The following FAF1 variants were observed in gnomAD, a reference collection of about 807,000 sequenced individuals.
The protein encoded by FAF1 is Fas associated factor 1, also known as FAS-associated factor 1.
In FAF1, 25 loss-of-function variants were observed where a neutral mutation model predicts 92.5. The observed-to-expected ratio is 0.27, with a 90% CI of 0.20 to 0.38. The LOEUF is 0.38. Among genes scored for constraint, FAF1 ranks in the 10% least tolerant of loss-of-function variants. The probability of loss-of-function intolerance (pLI) is 1.00; values close to 1 mark genes in which losing one functional copy is unlikely to be tolerated. For synonymous variants in FAF1, 234 were observed against 273.2 expected (o/e 0.86, Z 1.42); for missense variants, 636 against 793.3 (o/e 0.80, Z 2.38).
At chr1:50,664,753 T>C (rs562344756) in intron 7 of FAF1, among the ~76,000 whole-genome samples, 111 of 152,186 alleles carry the variant, frequency 7.3e-4, no homozygotes, top group Non-Finnish European at 1.2e-3. Flanking sequence ...GAGATCGCGC[T>C]ACTGCACTCC....
intron 1 of FAF1, among the ~76,000 whole-genome samples, chr1:50,872,855 C>T (rs1469603136): frequency 1.3e-5 from 2 of 151,596 alleles, no homozygotes; most frequent in Admixed American, 6.6e-5. Context: ...GCCGAGATTG[C>T]GCCACTGCAC....
intron 9 of FAF1, among the ~76,000 whole-genome samples, chr1:50,588,159 C>T (rs906301577): frequency 1.3e-5 from 2 of 152,024 alleles, no homozygotes; most frequent in African/African-American, 2.4e-5. Context: ...CGGTGGCAGA[C>T]GCCTGTAATC....
Position 50,572,215 on chromosome 1 carries a change from TC to T in FAF1, c.1114-4985del, listed in dbSNP as rs1171677606. Among the ~76,000 whole-genome samples, 2 of 152,224 alleles carry T rather than the reference TC, an allele frequency of 1.3e-5. 1 individual carries two copies. Among genetic ancestry groups the T allele is most frequent in the Non-Finnish European group, 2.9e-5 (2 of 68,034 alleles). ...TTTATTCTTCACCTAGATTTACCAATCATTAGCATTTTGCCATATTTGCTTT... is the reference window on the plus strand; with the variant it reads ...TTTATTCTTCACCTAGATTTACCAATATTAGCATTTTGCCATATTTGCTTT... On this transcript the variant is annotated intron_variant, in intron 12 of 18. Transcript: ENST00000396153.
At chr1:50,728,357 G>A (rs1032968374) in intron 6 of FAF1, among the ~76,000 whole-genome samples, 77 of 152,150 alleles carry the variant, frequency 5.1e-4, no homozygotes, top group African/African-American at 1.8e-3. Flanking sequence ...GTTTAAAGAG[G>A]AACAGTATGG....
chr1:50,904,382 T>C (rs1208551996), intron 1 of FAF1, among the ~76,000 whole-genome samples: 1 of 152,136 alleles, frequency 6.6e-6, no homozygotes, highest in Non-Finnish European at 1.5e-5. Context: ...GAATTAAAGT[T>C]TAATTGGCAA....
intron 7 of FAF1, among the ~76,000 whole-genome samples, chr1:50,689,600 A>G (rs1656827746): frequency 6.6e-6 from 1 of 152,200 alleles, no homozygotes; most frequent in African/African-American, 2.4e-5. Context: ...AACAAAAAAC[A>G]AAACAAAACA....
intron 18 of FAF1, among the ~76,000 whole-genome samples, chr1:50,454,226 C>T (rs991633260): frequency 6.6e-6 from 1 of 152,206 alleles, no homozygotes; most frequent in African/African-American, 2.4e-5. Context: ...CTCTCATAGA[C>T]CCTATGTGCC....
intron 8 of FAF1, among the ~76,000 whole-genome samples, chr1:50,602,251 A>C (rs1013510010): frequency 6.6e-6 from 1 of 152,192 alleles, no homozygotes; most frequent in Non-Finnish European, 1.5e-5. Context: ...GACATTTTTT[A>C]AAAACCATAT....
chr1:50,953,043 T>TACTAAGAAAAATTCTTCTGC, intron 1 of FAF1, among the ~76,000 whole-genome samples: 1 of 152,262 alleles, frequency 6.6e-6, no homozygotes, highest in Non-Finnish European at 1.5e-5. Context: ...TTTTGTTCTG[T>TACTAAGAAAAATTCTTCTGC]ACTAAGAAAA....
intron 2 of FAF1, among the ~76,000 whole-genome samples, chr1:50,843,518 C>T (rs1032216990): frequency 3.3e-5 from 5 of 152,082 alleles, no homozygotes; most frequent in African/African-American, 1.2e-4. Flanking sequence ...CATAAACCAA[C>T]CTCTCTTCAT....
chr1:50,549,731 C>T (rs1649210904), intron 13 of FAF1, among the ~76,000 whole-genome samples: 1 of 151,892 alleles, frequency 6.6e-6, no homozygotes, highest in Admixed American at 6.6e-5. Context: ...GCTGAGATCC[C>T]ACCACTGCAC....
chr1:50,615,074 T>A (rs1178985863), intron 8 of FAF1, among the ~76,000 whole-genome samples: 1 of 152,182 alleles, frequency 6.6e-6, no homozygotes, highest in Non-Finnish European at 1.5e-5. Context: ...TGTCTACTGT[T>A]CCCATGTTTA....
intron 15 of FAF1, among the ~76,000 whole-genome samples, chr1:50,507,890 G>C (rs1647079820): frequency 1.3e-5 from 2 of 152,114 alleles, no homozygotes; most frequent in Non-Finnish European, 2.9e-5. Flanking sequence ...TGATAATCCT[G>C]CTTACAAAAC....
chr1:50,810,757 A>G (rs12059021), intron 2 of FAF1, among the ~76,000 whole-genome samples: 36 of 152,306 alleles, frequency 2.4e-4, no homozygotes, highest in African/African-American at 8.2e-4. Flanking sequence ...TTAAGGTACA[A>G]AAATGGTCAG....
At chr1:50,787,599 T>C (rs933319702) in intron 4 of FAF1, among the ~76,000 whole-genome samples, 2 of 152,164 alleles carry the variant, frequency 1.3e-5, no homozygotes, top group African/African-American at 4.8e-5. Flanking sequence ...AAATTTCTGT[T>C]CCTTATAAAT....
intron 4 of FAF1, among the ~76,000 whole-genome samples, chr1:50,763,719 T>C (rs144489397): frequency 2.2e-4 from 34 of 152,348 alleles, no homozygotes; most frequent in African/African-American, 7.9e-4. Context: ...GAGTAAATTA[T>C]TGATATCACA....
At chr1:50,569,802 A>G (rs546720367) in intron 12 of FAF1, among the ~76,000 whole-genome samples, 1 of 152,250 alleles carries the variant, frequency 6.6e-6, no homozygotes, top group Non-Finnish European at 1.5e-5. Context: ...TCCAAACCAA[A>G]CACACATGTG....
intron 2 of FAF1, among the ~76,000 whole-genome samples, chr1:50,844,231 GT>G (rs1446334098): frequency 2.6e-5 from 4 of 151,998 alleles, no homozygotes; most frequent in Non-Finnish European, 4.4e-5. Flanking sequence ...CATAGTATTT[GT>G]TTTTCTGCAG....
intron 5 of FAF1, among the ~76,000 whole-genome samples, chr1:50,741,876 G>A (rs1438419977): frequency 2.6e-5 from 4 of 152,094 alleles, no homozygotes; most frequent in Non-Finnish European, 4.4e-5. Context: ...ACACCAATAA[G>A]ATATACAAGT....
Sources: allele counts gnomAD v4.1 joint callset (sites outside exome capture counted in the v4.1 genomes callset), GRCh38; gene constraint gnomAD v4.1.1; transcripts MANE v1.5; gene names NCBI Gene and HGNC (gene_info 2026-07-23, HGNC 2026-07-21).